DHX30: variants seen among roughly 807,000 people sequenced by gnomAD.
The protein encoded by DHX30 is DExH-box helicase 30, also known as ATP-dependent RNA helicase DHX30.
In DHX30, 4 loss-of-function variants were observed where a neutral mutation model predicts 116.9. That is an observed-to-expected ratio of 0.03 (90% CI 0.02 to 0.08). The LOEUF (loss-of-function observed/expected upper bound fraction) is 0.08. DHX30 is among the 10% of genes least tolerant of loss of function. DHX30 has a pLI of 1.00. For synonymous variants in DHX30, 697 were observed against 651.7 expected (o/e 1.07, Z -1.06); for missense variants, 871 against 1,595.1 (o/e 0.55, Z 7.73).
At chr3:47,827,012 G>A (rs1223311453) in intron 4 of DHX30, among the ~76,000 whole-genome samples, 1 of 152,158 alleles carries the variant, frequency 6.6e-6, no homozygotes, top group East Asian at 1.9e-4. Flanking sequence ...TCTTCTTTCA[G>A]ACATCAGACT....
rs535777970 is a variant in DHX30 at position 47,846,901 on chromosome 3, A to G, written c.1829A>G (p.Lys610Arg). The G allele has an allele frequency of 1.2e-6, 2 of 1,613,460 alleles. No homozygotes were observed. The highest frequency in any genetic ancestry group is 1.7e-6 in the Non-Finnish European group (2 of 1,179,992). ...TACTTTGGTGGCTGCCCCGTCATCA[A>G]GGTGCCTGGCTTCATGTACCCAGTC... is the stretch of plus-strand genomic sequence containing the variant. ...SRYFGGCPVI[K>R]VPGFMYPVKE... The change falls in exon 11 of 22, where the codon AAG becomes AGG. Residue 610 changes from lysine to arginine, a missense_variant. Around this residue, in one of 13 missense-constraint regions of DHX30, gnomAD observed 61 missense variants for 106.7 expected, o/e 0.57. Transcript: ENST00000445061.
rs929780874 is a variant in DHX30, at chr3:47,814,355, G to T, written c.28+3644G>T. Among the ~76,000 whole-genome samples the T allele has an allele frequency of 1.0e-4, 15 of 149,468 alleles. No individual in the cohort carries two copies. In the East Asian group the frequency reaches 2.9e-3, roughly 29 times the overall value. ...GCAGCAAATCGCTTGAACCCAGGAG[G>T]CAGAGGTGGCAGTGAGCTGAGATCA... is the stretch of plus-strand genomic sequence containing the variant. On this transcript the variant is annotated intron_variant, in intron 3 of 21. Transcript: ENST00000445061.
chr3:47,829,215 C>T (rs2036692434), intron 6 of DHX30, 81 bp downstream of exon 6: 2 of 679,042 alleles, frequency 2.9e-6, no homozygotes, highest in South Asian at 1.9e-5. Context: ...AGAGGTTGGC[C>T]CAGTGTTCTA....
chr3:47,819,591 G>A (rs528507080), intron 4 of DHX30, among the ~76,000 whole-genome samples: 1 of 152,282 alleles, frequency 6.6e-6, no homozygotes, highest in African/African-American at 2.4e-5. Flanking sequence ...CCTCTCCCCT[G>A]TGCTTTCTAG....
In DHX30 at chr3:47,849,427, C is replaced by T. The variant is rs377699847; in HGVS notation, c.3088-24C>T. ...TCTGCAGCTCCTTGCTCAGCCCCAC[C>T]CGTCTTTTCCTCCATCCCTGCAGGT... is the stretch of plus-strand genomic sequence containing the variant. On this transcript the variant is annotated intron_variant, in intron 19 of 21. Coordinates refer to ENST00000445061, the MANE Select transcript of DHX30 (RefSeq NM_138615.3). The T allele has an allele frequency of 2.5e-6, 4 of 1,571,208 alleles. No homozygotes were observed. In the African/African-American group the frequency reaches 5.4e-5, roughly 21 times the overall value.
chr3:47,816,477 C>G, intron 3 of DHX30: 1 of 960,990 alleles, frequency 1.0e-6, no homozygotes, highest in Non-Finnish European at 1.2e-6. Context: ...CGTGCCTCAG[C>G]CTCCTGAGTA....
intron 5 of DHX30, among the ~76,000 whole-genome samples, chr3:47,827,873 G>A (rs1332329203): frequency 1.3e-5 from 2 of 151,884 alleles, no homozygotes; most frequent in African/African-American, 4.8e-5. Context: ...TATTTTTGTA[G>A]AGACAGAGTC....
At chr3:47,823,357 GTTTTT>G (rs556494505) in intron 4 of DHX30, among the ~76,000 whole-genome samples, 1 of 128,036 alleles carries the variant, frequency 7.8e-6, no homozygotes. Context: ...CCTGGTTGTT[GTTTTT>G]TTTTTTTTTT....
intron 4 of DHX30, among the ~76,000 whole-genome samples, chr3:47,825,421 C>T (rs918610643): frequency 6.6e-6 from 1 of 152,230 alleles, no homozygotes; most frequent in Non-Finnish European, 1.5e-5. Flanking sequence ...CTTAGCGTGG[C>T]ACAGGCCCGA....
chr3:47,833,028 T>C (rs2107062565), intron 6 of DHX30, among the ~76,000 whole-genome samples: 1 of 146,014 alleles, frequency 6.8e-6, no homozygotes, highest in Middle Eastern at 3.5e-3. Context: ...CCAGTTATCC[T>C]CCCACCTTAG....
Position 47,847,905 on chromosome 3 carries a change from T to C in DHX30, c.2235T>C (p.His745=). 6.2e-7 allele frequency: 1 copy of C among 1,614,162 alleles called. No homozygotes were observed. The highest frequency in any genetic ancestry group is 8.5e-7 in the Non-Finnish European group (1 of 1,180,028). The change falls in exon 14 of 22, where the codon CAT becomes CAC. Residue 745 remains histidine, a synonymous_variant. Transcript: ENST00000445061. The surrounding 1 kb of genome is among the most constrained non-coding windows in gnomAD (Gnocchi z 5.5). ...ETSITINDIV[H]VVDSGLHKEE... Reference sequence around the variant, plus strand: ...CCATCACAATCAATGACATCGTGCATGTGGTGGACAGTGGGCTGCACAAGG... The same window carrying C: ...CCATCACAATCAATGACATCGTGCACGTGGTGGACAGTGGGCTGCACAAGG...
At chr3:47,849,409 C>T in intron 19 of DHX30, 42 bp from the exon 20 acceptor site, 2 of 1,577,916 alleles carry the variant, frequency 1.3e-6, no homozygotes, top group Non-Finnish European at 1.7e-6. Flanking sequence ...CTGTCTGCAG[C>T]TCCTTGCTCA....
In DHX30 at chr3:47,817,876, T is replaced by A; in HGVS notation, c.29-146T>A. On this transcript the variant is annotated intron_variant, in intron 3 of 21. Transcript: ENST00000445061. ...TCCTGTGTGGCGTTGTTAGTGCTGT[T>A]CCTCAGAACCTGTGGCTGCTCCCAG... is the stretch of plus-strand genomic sequence containing the variant. 3 of 738,176 alleles carry A rather than the reference T, an allele frequency of 4.1e-6. No homozygotes were observed. In the South Asian group the frequency reaches 4.2e-5, roughly 10 times the overall value. 45.7% of individuals were successfully genotyped at this position (738,176 alleles called of 1,614,324 possible).
At chr3:47,829,668 C>G (rs1481077241) in intron 6 of DHX30, among the ~76,000 whole-genome samples, 1 of 151,852 alleles carries the variant, frequency 6.6e-6, no homozygotes, top group South Asian at 2.1e-4. Flanking sequence ...ACCGCCCAGC[C>G]TATCTTCTGT....
intron 4 of DHX30, among the ~76,000 whole-genome samples, chr3:47,824,241 G>T (rs1253648339): frequency 1.3e-5 from 2 of 152,050 alleles, no homozygotes; most frequent in Non-Finnish European, 2.9e-5. Flanking sequence ...GACCTCAGGT[G>T]ATCTGCCTGC....
rs532066212 is a variant in DHX30 at position 47,834,873 on chromosome 3, G to GTTAA, written c.366+5740_366+5743dup. Among the ~76,000 whole-genome samples, 139 of 152,310 alleles carry GTTAA rather than the reference G, an allele frequency of 9.1e-4. 4 individuals carry two copies. The South Asian group carries it at 0.029, about 32-fold the overall frequency. ...CTTGACTGTTGTGAATAATGCTGCA[G>GTTAA]TTAACATGGGAGTGCAGACATCCCT... is the stretch of plus-strand genomic sequence containing the variant. On this transcript the variant is annotated intron_variant, in intron 6 of 21. Transcript: ENST00000445061.
At chr3:47,826,444 CTTTTTTT>C (rs978485673) in intron 4 of DHX30, among the ~76,000 whole-genome samples, 1 of 133,960 alleles carries the variant, frequency 7.5e-6, no homozygotes, top group South Asian at 2.4e-4. Context: ...GGTTTTCTTT[CTTTTTTT>C]TTTTTTTTTT....
intron 2 of DHX30, 41 bp from the exon 3 acceptor site, chr3:47,810,616 A>G (rs2035747173): frequency 7.8e-6 from 12 of 1,530,168 alleles, no homozygotes; most frequent in African/African-American, 1.4e-5. Flanking sequence ...TTGCTGGACC[A>G]GGAATATTAA....
chr3:47,846,464 C>A lies in DHX30; in HGVS notation c.1392C>A (p.Thr464=), dbSNP rs1474123698. 5 of 1,614,088 alleles carry A rather than the reference C, an allele frequency of 3.1e-6. No homozygotes were observed. In the East Asian group the frequency reaches 1.1e-4, roughly 36 times the overall value. The change falls in exon 11 of 22, where the codon ACC becomes ACA. Residue 464 remains threonine, a synonymous_variant. Coordinates refer to ENST00000445061, the MANE Select transcript of DHX30 (RefSeq NM_138615.3). ...CTGGGGACACGGGCTGTGGGAAGAC[C>A]ACGCGCATCCCCCAGCTGTTGCTGG... is the stretch of plus-strand genomic sequence containing the variant. The part of the protein sequence containing the change: ...VISGDTGCGK[T]TRIPQLLLER...
Sources: allele counts gnomAD v4.1 joint callset (sites outside exome capture counted in the v4.1 genomes callset), GRCh38; gene constraint gnomAD v4.1.1; regional missense constraint gnomAD v4.1.1; non-coding constraint Gnocchi (gnomAD v3.1); transcripts MANE v1.5; gene names NCBI Gene and HGNC (gene_info 2026-07-23, HGNC 2026-07-21).